ZNF385D: variants seen among roughly 807,000 people sequenced by gnomAD.
ZNF385D encodes zinc finger protein 385D.
A neutral mutation model predicts 35.8 loss-of-function variants in ZNF385D; 15 were observed. The observed-to-expected ratio is 0.42, with a 90% confidence interval of 0.28 to 0.64. The LOEUF is 0.64. ZNF385D is among the 30% of genes least tolerant of loss of function. The pLI is 0.23. For synonymous variants in ZNF385D, 212 were observed against 186.8 expected (o/e 1.13, Z -1.10); for missense variants, 474 against 494.6 (o/e 0.96, Z 0.39).
intron 3 of ZNF385D, among the ~76,000 whole-genome samples, chr3:21,543,854 A>G (rs1337477541): frequency 6.6e-6 from 1 of 152,120 alleles, no homozygotes; most frequent in Non-Finnish European, 1.5e-5. Flanking sequence ...ATGTTGTTTT[A>G]CATCCTGAGG....
chr3:22,251,293 A>C (rs934317627), intron 2 of ZNF385D, among the ~76,000 whole-genome samples: 5 of 152,234 alleles, frequency 3.3e-5, no homozygotes, highest in Non-Finnish European at 7.4e-5. Context: ...ATTTAAGATG[A>C]TGTTTTCTTG....
chr3:22,073,469 T>C (rs1030495718), intron 3 of ZNF385D, among the ~76,000 whole-genome samples: 9 of 151,944 alleles, frequency 5.9e-5, no homozygotes, highest in African/African-American at 1.9e-4. Flanking sequence ...AAATTTAATC[T>C]TTCCTGAAAT....
intron 3 of ZNF385D, among the ~76,000 whole-genome samples, chr3:22,074,938 CAGAAATGATGGTG>C (rs1559349107): frequency 6.6e-6 from 1 of 151,804 alleles, no homozygotes; most frequent in East Asian, 1.9e-4. Context: ...AAACCTGAAT[CAGAAATGATGGTG>C]AGAAAAGGGG....
At chr3:22,121,779 T>A (rs1001682131) in intron 3 of ZNF385D, among the ~76,000 whole-genome samples, 1 of 152,054 alleles carries the variant, frequency 6.6e-6, no homozygotes, top group South Asian at 2.1e-4. Context: ...TGGGTTTCAT[T>A]ATATAACCTT....
In ZNF385D at chr3:22,082,200, T is replaced by G. The variant is rs569200737; in HGVS notation, c.325+86617A>C. 7.9e-5 allele frequency among the ~76,000 whole-genome samples: 12 copies of G among 151,990 alleles called. No individual in the cohort carries two copies. In the South Asian group the frequency reaches 2.3e-3, roughly 29 times the overall value. On this transcript the variant is annotated intron_variant, in intron 3 of 5. Transcript: ENST00000494108. ...ACCTGGTTTATCTCACTGGGACAGG[T>G]TGGACAGTGGATGCAGCCCACGGAG...
Position 22,323,320 on chromosome 3 carries a change from A to C in ZNF385D, c.106+49130T>G, listed in dbSNP as rs116122423. 5.9e-3 allele frequency among the ~76,000 whole-genome samples: 899 copies of C among 152,294 alleles called. 6 individuals carry two copies. The highest frequency in any genetic ancestry group is 0.02 in the African/African-American group (833 of 41,556). On this transcript the variant is annotated intron_variant, in intron 2 of 5. Transcript: ENST00000494108. ...ATAGGGATATGCCCATCGTTGATAA[A>C]ACATTTTCCATTATCTCTGATGCTA... is the stretch of plus-strand genomic sequence containing the variant.
intron 3 of ZNF385D, among the ~76,000 whole-genome samples, chr3:22,111,914 A>T (rs1185161697): frequency 6.6e-6 from 1 of 152,130 alleles, no homozygotes; most frequent in Non-Finnish European, 1.5e-5. Flanking sequence ...AAGAAAATAC[A>T]TTCAGTTCCA....
intron 3 of ZNF385D, among the ~76,000 whole-genome samples, chr3:21,959,654 TGGGGCTAGCCCCATGGGTGGGTACACA>T (rs1702474681): frequency 6.6e-6 from 1 of 152,280 alleles, no homozygotes; most frequent in African/African-American, 2.4e-5. Context: ...CCATGGAAGA[TGGGGCTAGCCCCATGGGTGGGTACACA>T]GAAAAGGAAC....
At chr3:21,803,960 A>C (rs891415103) in intron 3 of ZNF385D, among the ~76,000 whole-genome samples, 1 of 152,188 alleles carries the variant, frequency 6.6e-6, no homozygotes, top group African/African-American at 2.4e-5. Flanking sequence ...CTTTAATAGG[A>C]ACATTGTAAA....
chr3:22,147,038 T>C (rs578074662), intron 3 of ZNF385D, among the ~76,000 whole-genome samples: 6 of 152,320 alleles, frequency 3.9e-5, no homozygotes, highest in East Asian at 1.9e-4. Flanking sequence ...AAATCTGACA[T>C]TGTATTTAGA....
chr3:22,084,414 C>G (rs1167889001), intron 3 of ZNF385D, among the ~76,000 whole-genome samples: 2 of 152,054 alleles, frequency 1.3e-5, no homozygotes, highest in Non-Finnish European at 2.9e-5. Flanking sequence ...ACAAAAAAAG[C>G]AGGGGTTGCA....
intron 3 of ZNF385D, among the ~76,000 whole-genome samples, chr3:21,543,499 T>C (rs952501606): frequency 1.3e-5 from 2 of 152,132 alleles, no homozygotes; most frequent in Non-Finnish European, 2.9e-5. Context: ...CTGGGATGCA[T>C]GGCCTAAGGG....
intron 1 of ZNF385D, among the ~76,000 whole-genome samples, chr3:21,717,322 AT>A (rs2068362390): frequency 6.6e-6 from 1 of 152,208 alleles, no homozygotes; most frequent in African/African-American, 2.4e-5. Flanking sequence ...CAGAAAAGGT[AT>A]GCACAGGAGG....
chr3:21,751,392 T>C, upstream of ZNF385D: 1 of 1,008,646 alleles, frequency 9.9e-7, no homozygotes, highest in South Asian at 4.1e-5. Context: ...GCGAGAAGAG[T>C]GTCGGGATCC....
chr3:21,693,941 C>T (rs137928385), intron 1 of ZNF385D, among the ~76,000 whole-genome samples: 2,695 of 145,936 alleles, frequency 0.018, 85 homozygotes, highest in African/African-American at 0.064. Flanking sequence ...TGCAGTTGCG[C>T]GACCTCGGCT....
At chr3:21,989,096 G>T (rs1412030227) in intron 3 of ZNF385D, among the ~76,000 whole-genome samples, 1 of 152,140 alleles carries the variant, frequency 6.6e-6, no homozygotes, top group East Asian at 1.9e-4. Context: ...AGATGGAAAT[G>T]CAGAAATCAC....
intron 2 of ZNF385D, among the ~76,000 whole-genome samples, chr3:22,360,258 C>T (rs527255883): frequency 9.7e-4 from 147 of 152,048 alleles, no homozygotes; most frequent in African/African-American, 3.4e-3. Context: ...CTGGTACTTA[C>T]GTTCTTTTAG....
chr3:21,770,456 G>C (rs1430212842), intron 3 of ZNF385D, among the ~76,000 whole-genome samples: 5 of 152,098 alleles, frequency 3.3e-5, no homozygotes, highest in African/African-American at 4.8e-5. Context: ...CTCAAAAGAA[G>C]ACATTTATGC....
chr3:21,681,617 T>C (rs1322727500), intron 1 of ZNF385D, among the ~76,000 whole-genome samples: 1 of 145,520 alleles, frequency 6.9e-6, no homozygotes, highest in Non-Finnish European at 1.5e-5. Flanking sequence ...AACAGAACAA[T>C]AGAGCTGCAT....
Sources: allele counts gnomAD v4.1 joint callset (sites outside exome capture counted in the v4.1 genomes callset), GRCh38; gene constraint gnomAD v4.1.1; transcripts MANE v1.5; gene names NCBI Gene and HGNC (gene_info 2026-07-23, HGNC 2026-07-21).